Variants in ARMC9 observed in about 807,000 individuals in gnomAD.
ARMC9 encodes the protein lisH domain-containing protein ARMC9.
Under a neutral mutation model 107.0 loss-of-function variants are expected in ARMC9, and 94 were observed. The observed-to-expected ratio is 0.88, with a 90% CI of 0.74 to 1.04. The LOEUF (loss-of-function observed/expected upper bound fraction) is 1.04, where lower values mean the gene tolerates loss of function less well. ARMC9 is among the 50% of genes least tolerant of loss of function. The pLI is 0.00. For synonymous variants in ARMC9, 380 were observed against 396.9 expected (o/e 0.96, Z 0.51); for missense variants, 942 against 1,030.1 (o/e 0.91, Z 1.17).
intron 21 of ARMC9, among the ~76,000 whole-genome samples, chr2:231,348,684 C>G (rs1205946623): frequency 6.6e-6 from 1 of 152,146 alleles, no homozygotes. Context: ...AACTACCCAT[C>G]TGACAAAGGA....
At chr2:231,285,586 T>TAC (rs1221099770) in intron 17 of ARMC9, among the ~76,000 whole-genome samples, 3 of 151,224 alleles carry the variant, frequency 2.0e-5, no homozygotes, top group African/African-American at 7.3e-5. Context: ...ACAGAGGTTG[T>TAC]AGTGAGCTGA....
Position 231,216,793 on chromosome 2 carries a change from G to A in ARMC9, c.504G>A (p.Gln168=). The A allele has an allele frequency of 1.9e-6, 3 of 1,610,920 alleles. No homozygotes were observed. Among genetic ancestry groups the A allele is most frequent in the Non-Finnish European group, 2.5e-6 (3 of 1,179,078 alleles). ...ACCCCTCATTTAAAGAACTCTTCCA[G>A]GTAAATGTCAGCTTTTAACTCTTGT... ...MVHPSFKELF[Q]DSWTPELKLK... is the part of the protein sequence containing the mutation. The change falls in exon 5 of 25, where the codon CAG becomes CAA. Residue 168 remains glutamine (Q), a splice_region_variant and synonymous_variant. Transcript: ENST00000611582.
At chr2:231,353,596 G>A (rs2045197563) in intron 21 of ARMC9, among the ~76,000 whole-genome samples, 1 of 150,730 alleles carries the variant, frequency 6.6e-6, no homozygotes, top group African/African-American at 2.5e-5. Context: ...TGGCATGAGT[G>A]CCCGCAAACA....
At chr2:231,293,352 G>A (rs1426642355) in intron 18 of ARMC9, among the ~76,000 whole-genome samples, 1 of 152,092 alleles carries the variant, frequency 6.6e-6, no homozygotes, top group Non-Finnish European at 1.5e-5. Flanking sequence ...TTGCACATCC[G>A]CGCCATAGTC....
intron 12 of ARMC9, 132 bp downstream of exon 12, chr2:231,262,530 A>G: frequency 1.1e-6 from 1 of 878,204 alleles, no homozygotes. Flanking sequence ...TGAGCTCATG[A>G]GGTTCTGGGC....
At chr2:231,366,065 T>A (rs926196033) in intron 23 of ARMC9, among the ~76,000 whole-genome samples, 16 of 152,146 alleles carry the variant, frequency 1.1e-4, no homozygotes, top group Non-Finnish European at 2.2e-4. Flanking sequence ...ACAGAGAGGC[T>A]GATTTTAGGG....
intron 19 of ARMC9, among the ~76,000 whole-genome samples, chr2:231,322,715 T>G (rs2043066043): frequency 6.6e-6 from 1 of 152,178 alleles, no homozygotes; most frequent in African/African-American, 2.4e-5. Context: ...TTATGAGGCA[T>G]TCTTAATTTC....
At chr2:231,254,490 C>T (rs755014397) in intron 9 of ARMC9, among the ~76,000 whole-genome samples, 9 of 151,896 alleles carry the variant, frequency 5.9e-5, no homozygotes, top group Non-Finnish European at 1.3e-4. Flanking sequence ...ACCCTTTGAT[C>T]TAGATTTTGG....
chr2:231,316,580 A>G (rs754824345), intron 19 of ARMC9, among the ~76,000 whole-genome samples: 9 of 151,492 alleles, frequency 5.9e-5, no homozygotes, highest in Non-Finnish European at 1.3e-4. Flanking sequence ...ACCCAGGAGA[A>G]TCACTTGAAT....
chr2:231,307,738 G>A (rs2042113043), intron 19 of ARMC9, among the ~76,000 whole-genome samples: 1 of 152,220 alleles, frequency 6.6e-6, no homozygotes, highest in Non-Finnish European at 1.5e-5. Flanking sequence ...AGGTTCCAGA[G>A]CAGGGACAGT....
At chr2:231,307,333 C>G (rs1238502908) in intron 19 of ARMC9, among the ~76,000 whole-genome samples, 1 of 152,172 alleles carries the variant, frequency 6.6e-6, no homozygotes, top group African/African-American at 2.4e-5. Flanking sequence ...TGTCTGGCAC[C>G]TAGCCCTGGG....
intron 16 of ARMC9, among the ~76,000 whole-genome samples, chr2:231,279,624 C>T (rs1346540273): frequency 1.3e-5 from 2 of 151,242 alleles, no homozygotes; most frequent in East Asian, 3.9e-4. Flanking sequence ...GATTCTCCTG[C>T]CTCAGCCTCC....
chr2:231,325,486 G>A (rs74684433), intron 19 of ARMC9, among the ~76,000 whole-genome samples: 6,131 of 152,232 alleles, frequency 0.04, 173 homozygotes, highest in Middle Eastern at 0.085. Context: ...CAGGGAAGTA[G>A]TGTCTCACCA....
intron 18 of ARMC9, 62 bp from the exon 19 acceptor site, chr2:231,296,136 A>G: frequency 2.2e-6 from 3 of 1,335,942 alleles, no homozygotes; most frequent in Non-Finnish European, 3.2e-6. Flanking sequence ...AGGCTGACAG[A>G]TTCTGTGGAC....
At chr2:231,264,808 T>G (rs2038707495) in intron 12 of ARMC9, among the ~76,000 whole-genome samples, 1 of 152,072 alleles carries the variant, frequency 6.6e-6, no homozygotes, top group Admixed American at 6.5e-5. Flanking sequence ...GGTTTATTTT[T>G]TTAAGAAGAA....
At chr2:231,229,227 C>T (rs888007259) in intron 7 of ARMC9, among the ~76,000 whole-genome samples, 2 of 152,074 alleles carry the variant, frequency 1.3e-5, no homozygotes, top group Non-Finnish European at 1.5e-5. Flanking sequence ...TCATTTGTCA[C>T]CCCCTTGTCC....
At position 231,245,923 on chromosome 2, in the gene ARMC9, C is replaced by A. The variant is rs564187249; in HGVS notation, c.879+5882C>A. 9.2e-5 allele frequency among the ~76,000 whole-genome samples: 14 copies of A among 152,264 alleles called. 1 individual carries two copies. The South Asian group carries it at 2.9e-3, about 32-fold the overall frequency. ...TCCACCCACACCAAGCCTGTTCCAC[C>A]CACACCAAGCCTCTGCCCTAAGAGC... On this transcript the variant is annotated intron_variant, in intron 9 of 24. Coordinates refer to ENST00000611582, the MANE Select transcript of ARMC9 (RefSeq NM_001352754.2).
At chr2:231,252,340 C>T (rs2037373536) in intron 9 of ARMC9, among the ~76,000 whole-genome samples, 1 of 152,178 alleles carries the variant, frequency 6.6e-6, no homozygotes, top group Admixed American at 6.5e-5. Context: ...ACCTCTGCCT[C>T]ACTGATTCAA....
At position 231,373,242 on chromosome 2, in the gene ARMC9, G is replaced by C. The variant is rs1364318646; in HGVS notation, c.*1707G>C. ...CAGACAGAGGAAAAGCAGAGGGTCC[G>C]CAAAATGCAACTCCTCCGTGGTGAG... On this transcript the variant is annotated 3_prime_UTR_variant, in exon 25 of 25. Transcript: ENST00000611582. This position sits in a 1 kb window ranked among gnomAD's most constrained non-coding sequence, Gnocchi z 4.4. 1 of 152,244 alleles carries C rather than the reference G, an allele frequency of 6.6e-6. No individual in the cohort carries two copies. The highest frequency in any genetic ancestry group is 1.5e-5 in the Non-Finnish European group (1 of 68,080). The allele number at this position is 152,244 out of a possible 1,614,324, so 9.4% of individuals were successfully genotyped here.
Sources: gnomAD v4.1 joint callset for allele counts (sites outside exome capture counted in the v4.1 genomes callset) on GRCh38, gnomAD v4.1.1 for gene constraint, Gnocchi (gnomAD v3.1) non-coding constraint, MANE v1.5 for transcripts, NCBI Gene and HGNC (gene_info 2026-07-23, HGNC 2026-07-21) for gene names.